Variants in FGD4 observed in about 807,000 individuals in gnomAD.
FGD4 encodes FYVE, RhoGEF and PH domain-containing protein 4.
A neutral mutation model predicts 102.0 loss-of-function variants in FGD4; 42 were observed. The ratio of observed to expected loss-of-function variants is 0.41; its 90% CI spans 0.32 to 0.53. FGD4 has a LOEUF of 0.53. Among genes scored for constraint, FGD4 ranks in the 20% least tolerant of loss-of-function variants. The pLI is 0.21. For synonymous variants in FGD4, 380 were observed against 375.7 expected (o/e 1.01, Z -0.13); for missense variants, 902 against 1,078.2 (o/e 0.84, Z 2.29).
intron 4 of FGD4, 69 bp downstream of exon 4, chr12:32,582,536 A>G: frequency 6.3e-7 from 1 of 1,582,232 alleles, no homozygotes; most frequent in Non-Finnish European, 8.6e-7. Context: ...AAAACTCTTT[A>G]TTTATTGCAC....
rs61926167 is a variant in FGD4, at chr12:32,564,054, T to C, written c.167-83T>C. The C allele has an allele frequency of 3.3e-6, 4 of 1,201,410 alleles. 1 individual carries two copies. The South Asian group carries it at 7.3e-5, about 22-fold the overall frequency. 74.4% of individuals were successfully genotyped at this position (1,201,410 alleles called of 1,614,324 possible). Reference sequence around the variant, plus strand: ...GAGGGGGAGGGGGAGGGAGAGGGAGTGGGAGAGGGGAAATTTAACTTATAA... The same window carrying C: ...GAGGGGGAGGGGGAGGGAGAGGGAGCGGGAGAGGGGAAATTTAACTTATAA... On this transcript the variant is annotated intron_variant, in intron 1 of 16. Coordinates refer to ENST00000534526, the MANE Select transcript of FGD4 (RefSeq NM_001370298.3).
chr12:32,464,659 A>G (rs1048894683), intron 1 of FGD4, among the ~76,000 whole-genome samples: 1 of 152,238 alleles, frequency 6.6e-6, no homozygotes, highest in Non-Finnish European at 1.5e-5. Flanking sequence ...TATGCATTTT[A>G]TCTCAGAAAA....
intron 1 of FGD4, among the ~76,000 whole-genome samples, chr12:32,500,173 G>A (rs1000416207): frequency 2.6e-5 from 4 of 152,040 alleles, no homozygotes; most frequent in Non-Finnish European, 5.9e-5. Flanking sequence ...TCGTTCCAAC[G>A]GTGAGACCAA....
intron 1 of FGD4, among the ~76,000 whole-genome samples, chr12:32,508,860 G>A (rs1331351518): frequency 6.6e-6 from 1 of 152,240 alleles, no homozygotes; most frequent in Admixed American, 6.5e-5. Context: ...CAGAGCACAT[G>A]AGCATTGGGT....
chr12:32,589,842 C>G (rs924201345), intron 4 of FGD4, among the ~76,000 whole-genome samples: 2 of 119,818 alleles, frequency 1.7e-5, no homozygotes, highest in Admixed American at 1.7e-4. Flanking sequence ...GTGCCATTAA[C>G]TCTCACTCAT....
intron 4 of FGD4, among the ~76,000 whole-genome samples, chr12:32,597,337 T>A (rs1291265851): frequency 6.6e-6 from 1 of 152,160 alleles, no homozygotes; most frequent in Non-Finnish European, 1.5e-5. Context: ...AAAGACATAG[T>A]ATCATAAGTA....
chr12:32,585,834 CAAAAAAAAAA>C (rs58688697), intron 4 of FGD4, among the ~76,000 whole-genome samples: 13 of 68,802 alleles, frequency 1.9e-4, no homozygotes, highest in African/African-American at 4.6e-4. Context: ...GACCTTGTCT[CAAAAAAAAAA>C]AAAAAAAAAA....
chr12:32,526,039 A>G (rs935039380), intron 1 of FGD4, among the ~76,000 whole-genome samples: 1 of 152,226 alleles, frequency 6.6e-6, no homozygotes, highest in Admixed American at 6.5e-5. Flanking sequence ...TCGACCACGC[A>G]AGGGCTGAGG....
chr12:32,572,544 T>C (rs1945757083), intron 2 of FGD4, among the ~76,000 whole-genome samples: 1 of 152,216 alleles, frequency 6.6e-6, no homozygotes, highest in Non-Finnish European at 1.5e-5. Flanking sequence ...ATCGGAACTT[T>C]AGGGTTTTCC....
intron 1 of FGD4, among the ~76,000 whole-genome samples, chr12:32,458,324 C>T (rs1309955914): frequency 6.6e-6 from 1 of 151,930 alleles, no homozygotes; most frequent in Non-Finnish European, 1.5e-5. Flanking sequence ...GTGTACGCCA[C>T]CATGCTCATT....
intron 1 of FGD4, among the ~76,000 whole-genome samples, chr12:32,498,547 G>T (rs1232601687): frequency 6.6e-6 from 1 of 152,158 alleles, no homozygotes; most frequent in Non-Finnish European, 1.5e-5. Context: ...ATAATTATTT[G>T]TTATATTCTC....
At chr12:32,551,103 A>C (rs75503773) in intron 1 of FGD4, among the ~76,000 whole-genome samples, 1,565 of 152,290 alleles carry the variant, frequency 0.01, 9 homozygotes, top group Middle Eastern at 0.034. Flanking sequence ...GTAATCCCAG[A>C]GAGTAGCAGA....
In FGD4 at chr12:32,582,279, G is replaced by C. The variant is rs752744624; in HGVS notation, c.823G>C (p.Ala275Pro). The C allele has an allele frequency of 6.2e-7, 1 of 1,614,208 alleles. No homozygotes were observed. The highest frequency in any genetic ancestry group is 8.5e-7 in the Non-Finnish European group (1 of 1,180,036). Residue 275 changes from alanine to proline, a missense_variant, in exon 4 of 17, where the codon GCT (alanine) becomes CCT (proline). By Grantham distance (27) the Ala-to-Pro change is conservative. This residue lies in a region of FGD4 where 443 missense variants were observed against 459.2 expected (regional missense o/e 0.96). Transcript: ENST00000534526. ...VNGERDETAT[A>P]PASPTTDSCD... The stretch of plus-strand genomic sequence containing the variant: ...TGGAGAAAGAGATGAAACTGCCACA[G>C]CTCCTGCATCACCCACAACAGACAG...
At chr12:32,540,271 T>C (rs1003698087) in intron 1 of FGD4, among the ~76,000 whole-genome samples, 1 of 152,166 alleles carries the variant, frequency 6.6e-6, no homozygotes, top group Non-Finnish European at 1.5e-5. Flanking sequence ...GTACAAAATA[T>C]GTTTGGAGAA....
intron 1 of FGD4, among the ~76,000 whole-genome samples, chr12:32,517,698 G>C (rs1019159485): frequency 6.6e-6 from 1 of 152,100 alleles, no homozygotes; most frequent in Non-Finnish European, 1.5e-5. Context: ...TTTGAGACCA[G>C]TCTGGGCAAC....
chr12:32,492,566 T>C lies in FGD4; in HGVS notation c.167-71571T>C, dbSNP rs1390271235. On this transcript the variant is annotated intron_variant, in intron 1 of 16. Coordinates refer to ENST00000534526, the MANE Select transcript of FGD4 (RefSeq NM_001370298.3). ...CATATTTTAAGTATACTTACAAATA[T>C]GTTCAACAGTGTGTATTTGAAATTG... is the stretch of plus-strand genomic sequence containing the variant. Among the ~76,000 whole-genome samples the C allele has an allele frequency of 2.0e-5, 3 of 152,356 alleles. No homozygotes were observed. In the East Asian group the frequency reaches 5.8e-4, roughly 29 times the overall value.
chr12:32,399,872 G>A lies in FGD4; in HGVS notation c.79G>A (p.Val27Met). The A allele has an allele frequency of 4.6e-6, 7 of 1,531,116 alleles. No individual in the cohort carries two copies. Among genetic ancestry groups the A allele is most frequent in the Non-Finnish European group, 6.1e-6 (7 of 1,145,132 alleles). 94.8% of individuals were successfully genotyped at this position (1,531,116 alleles called of 1,614,324 possible). A position where few individuals can be genotyped will look rare whatever the true frequency, so the allele number is the denominator to read the frequency against. ...CAACCCCTCCTACCTGCCGCCCGGG[G>A]TGCCCCGGCCCTGGAGCAGGCCCGC... Reference protein sequence around the residue: ...KSNPSYLPPGVPRPWSRPASH... With the variant: ...KSNPSYLPPGMPRPWSRPASH... The change falls in exon 1 of 17, where the codon GTG (valine) becomes ATG (methionine). Residue 27 changes from valine to methionine, a missense_variant. Val to Met is a conservative substitution (Grantham distance 21). Around this residue, in one of 2 missense-constraint regions of FGD4, gnomAD observed 443 missense variants for 459.2 expected, o/e 0.96. Coordinates refer to ENST00000534526, the MANE Select transcript of FGD4 (RefSeq NM_001370298.3).
At chr12:32,421,472 G>GAAA (rs1941622845) in intron 1 of FGD4, among the ~76,000 whole-genome samples, 4 of 152,310 alleles carry the variant, frequency 2.6e-5, no homozygotes, top group Non-Finnish European at 5.9e-5. Context: ...ATGCTGGTCT[G>GAAA]TAGGATCTGG....
At chr12:32,486,066 A>C (rs1943890740) in intron 1 of FGD4, 1 of 1,510,784 alleles carries the variant, frequency 6.6e-7, no homozygotes. Flanking sequence ...TATGGATCCA[A>C]ATCCTTGCTC....
Sources: allele counts gnomAD v4.1 joint callset (sites outside exome capture counted in the v4.1 genomes callset), GRCh38; gene constraint gnomAD v4.1.1; regional missense constraint gnomAD v4.1.1; transcripts MANE v1.5; gene names NCBI Gene and HGNC (gene_info 2026-07-23, HGNC 2026-07-21).